The following ADGRL3 variants were observed in gnomAD, a reference collection of about 807,000 sequenced individuals.
ADGRL3 encodes adhesion G protein-coupled receptor L3.
ADGRL3 carries 62 observed loss-of-function variants against 153.5 expected under a neutral mutation model. The ratio of observed to expected loss-of-function variants is 0.40; its 90% CI spans 0.33 to 0.50. ADGRL3 has a LOEUF of 0.50. ADGRL3 is among the 20% of genes least tolerant of loss of function. The pLI is 0.47. For synonymous variants in ADGRL3, 710 were observed against 672.5 expected (o/e 1.06, Z -0.86); for missense variants, 1,641 against 1,859.4 (o/e 0.88, Z 2.16).
At chr4:61,818,097 A>G (rs954688752) in intron 9 of ADGRL3, among the ~76,000 whole-genome samples, 1 of 152,166 alleles carries the variant, frequency 6.6e-6, no homozygotes, top group African/African-American at 2.4e-5. Context: ...CCACAGTCCA[A>G]ACTCTTATCT....
chr4:61,389,960 G>A (rs2096783200), intron 2 of ADGRL3, among the ~76,000 whole-genome samples: 1 of 152,102 alleles, frequency 6.6e-6, no homozygotes, highest in Admixed American at 6.5e-5. Flanking sequence ...AGCAAATGGA[G>A]TGTATACAAA....
chr4:61,570,723 T>G (rs77995290), intron 4 of ADGRL3, among the ~76,000 whole-genome samples: 2 of 152,092 alleles, frequency 1.3e-5, no homozygotes, highest in Non-Finnish European at 2.9e-5. Context: ...CCTTCTGTGC[T>G]CCAGCTCTTT....
At chr4:61,322,521 C>T (rs2095379981) in intron 1 of ADGRL3, among the ~76,000 whole-genome samples, 1 of 152,154 alleles carries the variant, frequency 6.6e-6, no homozygotes, top group African/African-American at 2.4e-5. Flanking sequence ...TAGTTACTTC[C>T]TAGATGCAAT....
intron 16 of ADGRL3, 75 bp from the exon 17 acceptor site, chr4:61,948,025 T>C (rs2150315353): frequency 8.1e-7 from 1 of 1,228,302 alleles, no homozygotes; most frequent in South Asian, 1.5e-5. Context: ...TTGTATTATA[T>C]GTAAAGAAAA....
At chr4:61,569,201 T>C (rs1175847244) in intron 4 of ADGRL3, among the ~76,000 whole-genome samples, 1 of 152,210 alleles carries the variant, frequency 6.6e-6, no homozygotes, top group Non-Finnish European at 1.5e-5. Context: ...GCATTATTTT[T>C]GTGCTTTTTC....
chr4:61,485,835 T>C (rs1187920805), intron 2 of ADGRL3, among the ~76,000 whole-genome samples: 1 of 152,152 alleles, frequency 6.6e-6, no homozygotes, highest in Non-Finnish European at 1.5e-5. Context: ...GTTTAGACCC[T>C]GAAATGCATA....
At chr4:62,038,410 G>C (rs535748994) in intron 24 of ADGRL3, among the ~76,000 whole-genome samples, 1 of 152,166 alleles carries the variant, frequency 6.6e-6, no homozygotes, top group South Asian at 2.1e-4. Flanking sequence ...AGACGTAGCA[G>C]TATAGTACCT....
chr4:61,402,236 C>T (rs967552074), intron 2 of ADGRL3, among the ~76,000 whole-genome samples: 2 of 151,896 alleles, frequency 1.3e-5, no homozygotes, highest in Non-Finnish European at 2.9e-5. Context: ...TATTGGATGT[C>T]CTGTTTTGTA....
intron 5 of ADGRL3, among the ~76,000 whole-genome samples, chr4:61,602,181 G>A (rs2099014931): frequency 6.6e-6 from 1 of 151,626 alleles, no homozygotes; most frequent in African/African-American, 2.4e-5. Flanking sequence ...ACCCCATCAA[G>A]GTTGATAGGG....
intron 8 of ADGRL3, among the ~76,000 whole-genome samples, chr4:61,742,098 T>C (rs1055820363): frequency 6.6e-6 from 1 of 152,102 alleles, no homozygotes; most frequent in Non-Finnish European, 1.5e-5. Flanking sequence ...TTGGTAACAG[T>C]GCCAAAAGTA....
intron 4 of ADGRL3, among the ~76,000 whole-genome samples, chr4:61,529,954 A>AT (rs945688593): frequency 6.6e-6 from 1 of 152,152 alleles, no homozygotes; most frequent in Non-Finnish European, 1.5e-5. Flanking sequence ...CTTTAAAAAT[A>AT]TTTTATGGCT....
At chr4:62,034,092 A>G (rs1723656006) in intron 23 of ADGRL3, among the ~76,000 whole-genome samples, 1 of 151,802 alleles carries the variant, frequency 6.6e-6, no homozygotes. Context: ...TAGAGTTTTT[A>G]GTATATTTAA....
chr4:61,668,584 A>G (rs2094883320), intron 5 of ADGRL3, among the ~76,000 whole-genome samples: 1 of 152,222 alleles, frequency 6.6e-6, no homozygotes, highest in African/African-American at 2.4e-5. Flanking sequence ...TAACATATAA[A>G]AGAATATAGG....
intron 11 of ADGRL3, among the ~76,000 whole-genome samples, chr4:61,904,583 A>G (rs1322554513): frequency 1.3e-5 from 2 of 152,170 alleles, no homozygotes; most frequent in Admixed American, 1.3e-4. Flanking sequence ...ATTTTTATAT[A>G]AGAGAATTGC....
chr4:61,604,001 T>C (rs982049347), intron 5 of ADGRL3, among the ~76,000 whole-genome samples: 6 of 152,150 alleles, frequency 3.9e-5, no homozygotes, highest in Non-Finnish European at 8.8e-5. Context: ...AGATCCTGCA[T>C]GAGAGAGACA....
intron 13 of ADGRL3, among the ~76,000 whole-genome samples, chr4:61,933,134 G>T (rs943446619): frequency 2.0e-5 from 3 of 151,962 alleles, no homozygotes; most frequent in Admixed American, 6.6e-5. Flanking sequence ...ATAAGGAACA[G>T]ACATAATTTC....
intron 2 of ADGRL3, among the ~76,000 whole-genome samples, chr4:61,464,947 C>G (rs2097861865): frequency 6.6e-6 from 1 of 152,140 alleles, no homozygotes; most frequent in African/African-American, 2.4e-5. Context: ...ACATCCCTAC[C>G]TTCTGAATCT....
chr4:61,608,928 C>A (rs1262977804), intron 5 of ADGRL3, among the ~76,000 whole-genome samples: 2 of 152,100 alleles, frequency 1.3e-5, no homozygotes, highest in South Asian at 2.1e-4. Context: ...CACTGACTAT[C>A]TGTGAACCAT....
intron 1 of ADGRL3, among the ~76,000 whole-genome samples, chr4:61,243,631 G>C (rs1355713704): frequency 6.6e-6 from 1 of 151,824 alleles, no homozygotes; most frequent in Non-Finnish European, 1.5e-5. Context: ...GGCCTTTTTG[G>C]TTCTAATGTT....
Sources: allele counts gnomAD v4.1 joint callset (sites outside exome capture counted in the v4.1 genomes callset), GRCh38; gene constraint gnomAD v4.1.1; transcripts MANE v1.5; gene names NCBI Gene and HGNC (gene_info 2026-07-23, HGNC 2026-07-21).